Variants in VAV3 observed in about 807,000 individuals in gnomAD.
VAV3 encodes guanine nucleotide exchange factor VAV3.
In VAV3, 94 loss-of-function variants were observed where a neutral mutation model predicts 131.2. The ratio of observed to expected loss-of-function variants is 0.72; its 90% CI spans 0.61 to 0.85. The LOEUF is 0.85. VAV3 is among the 40% of genes least tolerant of loss of function. The pLI, the probability that VAV3 is intolerant of heterozygous loss-of-function variation, is 0.00. For synonymous variants in VAV3, 349 were observed against 342.0 expected, an observed-to-expected ratio of 1.02 and a Z score of -0.22; for missense variants, 939 against 1,002.7, an observed-to-expected ratio of 0.94 and a Z score of 0.86.
At chr1:107,839,675 T>G (rs1668610541) in intron 2 of VAV3, among the ~76,000 whole-genome samples, 1 of 151,926 alleles carries the variant, frequency 6.6e-6, no homozygotes, top group African/African-American at 2.4e-5. Flanking sequence ...TACTAAAAAT[T>G]AGAGCAGGAA....
At chr1:107,911,797 C>T (rs1262154647) in intron 1 of VAV3, among the ~76,000 whole-genome samples, 2 of 152,160 alleles carry the variant, frequency 1.3e-5, no homozygotes, top group Admixed American at 6.5e-5. Flanking sequence ...TTCGTATCAG[C>T]CTGTGTTTAA....
At chr1:107,838,390 G>A (rs1460294759) in intron 2 of VAV3, among the ~76,000 whole-genome samples, 1 of 152,004 alleles carries the variant, frequency 6.6e-6, no homozygotes, top group African/African-American at 2.4e-5. Flanking sequence ...ATCAAAACCA[G>A]AATGAGATAC....
At chr1:107,757,980 G>A (rs149433363) in intron 10 of VAV3, among the ~76,000 whole-genome samples, 5 of 152,092 alleles carry the variant, frequency 3.3e-5, no homozygotes, top group East Asian at 3.9e-4. Context: ...CACGAGTCCC[G>A]GACTCATCCG....
chr1:107,832,968 G>GAT (rs1668317047), intron 2 of VAV3, among the ~76,000 whole-genome samples: 1 of 152,086 alleles, frequency 6.6e-6, no homozygotes. Context: ...TAAAAAGTTT[G>GAT]ATATAACAGT....
chr1:107,675,716 T>G (rs1334760335), intron 19 of VAV3, among the ~76,000 whole-genome samples: 2 of 152,116 alleles, frequency 1.3e-5, no homozygotes, highest in African/African-American at 2.4e-5. Context: ...ACATGCTGTG[T>G]TAGGTTCTGT....
chr1:107,841,720 C>A (rs1668717355), intron 2 of VAV3, among the ~76,000 whole-genome samples: 1 of 152,094 alleles, frequency 6.6e-6, no homozygotes, highest in African/African-American at 2.4e-5. Context: ...CTGTTCCTCT[C>A]TCTAGGTCTG....
At chr1:107,908,346 G>T (rs1220390411) in intron 1 of VAV3, among the ~76,000 whole-genome samples, 7 of 152,284 alleles carry the variant, frequency 4.6e-5, no homozygotes, top group South Asian at 2.1e-4. Flanking sequence ...ATCATAGGTG[G>T]TGGCTTCCTA....
chr1:107,916,289 T>C (rs1256864473), intron 1 of VAV3, among the ~76,000 whole-genome samples: 1 of 152,226 alleles, frequency 6.6e-6, no homozygotes, highest in Non-Finnish European at 1.5e-5. Flanking sequence ...TACTGTTCAC[T>C]CATGGTCAAA....
chr1:107,695,756 T>C (rs1241490273), intron 17 of VAV3, among the ~76,000 whole-genome samples: 3 of 152,096 alleles, frequency 2.0e-5, no homozygotes, highest in Non-Finnish European at 4.4e-5. Context: ...CATGGGCGCA[T>C]GATGGGTTGT....
chr1:107,605,953 T>C (rs539648276), intron 22 of VAV3, among the ~76,000 whole-genome samples: 4 of 152,320 alleles, frequency 2.6e-5, no homozygotes, highest in Admixed American at 2.0e-4. Flanking sequence ...GTTAATTTTC[T>C]CTGGAGCCTT....
intron 2 of VAV3, among the ~76,000 whole-genome samples, chr1:107,814,500 T>TGTTGA (rs10632344): frequency 0.59 from 89,788 of 151,376 alleles, 27,824 homozygotes; most frequent in African/African-American, 0.67. Context: ...GATTACTTAC[T>TGTTGA]GTTGAGTTCC....
chr1:107,699,270 T>C (rs543270626), intron 17 of VAV3, among the ~76,000 whole-genome samples: 3 of 152,270 alleles, frequency 2.0e-5, no homozygotes, highest in Non-Finnish European at 2.9e-5. Context: ...ATGGGAGAAA[T>C]TGATCAAAAC....
chr1:107,661,214 T>C (rs899189463), intron 19 of VAV3, among the ~76,000 whole-genome samples: 5 of 152,192 alleles, frequency 3.3e-5, no homozygotes, highest in African/African-American at 1.2e-4. Flanking sequence ...TGCCAGGATC[T>C]GCTAGCTGGA....
intron 2 of VAV3, 27 bp downstream of exon 2, chr1:107,874,852 TTAAATGCTTTCCAGTTAAAAAG>T (rs777453860): frequency 6.6e-7 from 1 of 1,517,680 alleles, no homozygotes; most frequent in Non-Finnish European, 9.1e-7. Flanking sequence ...AACAATTTGC[TTAAATGCTTTCCAGTTAAAAAG>T]TAGTGTTAAA....
At chr1:107,573,765 GGGTC>G (rs1379122083) in intron 26 of VAV3, among the ~76,000 whole-genome samples, 1 of 152,146 alleles carries the variant, frequency 6.6e-6, no homozygotes, top group African/African-American at 2.4e-5. Flanking sequence ...CTATGGCTCA[GGGTC>G]TAAAAAGAAC....
intron 19 of VAV3, 59 bp downstream of exon 19, chr1:107,683,429 A>G: frequency 1.3e-6 from 2 of 1,589,096 alleles, no homozygotes; most frequent in Non-Finnish European, 1.7e-6. Flanking sequence ...CAATTCCCAT[A>G]TCCTTTCATA....
intron 17 of VAV3, among the ~76,000 whole-genome samples, chr1:107,698,514 C>A: frequency 6.6e-6 from 1 of 152,272 alleles, no homozygotes; most frequent in East Asian, 1.9e-4. Flanking sequence ...TTTTGACTTA[C>A]GATAGTTTCC....
intron 15 of VAV3, among the ~76,000 whole-genome samples, chr1:107,719,109 A>T (rs983286612): frequency 2.0e-5 from 3 of 152,360 alleles, no homozygotes; most frequent in South Asian, 4.1e-4. Context: ...AAACCCTAGA[A>T]GAAAACCTAG....
chr1:107,701,978 C>A (rs1417578825), intron 17 of VAV3, among the ~76,000 whole-genome samples: 4 of 152,208 alleles, frequency 2.6e-5, no homozygotes, highest in Non-Finnish European at 5.9e-5. Flanking sequence ...CTATCCATTA[C>A]CCAGTTCCAA....
Sources: gnomAD v4.1 joint callset for allele counts (sites outside exome capture counted in the v4.1 genomes callset) on GRCh38, gnomAD v4.1.1 for gene constraint, MANE v1.5 for transcripts, NCBI Gene and HGNC (gene_info 2026-07-23, HGNC 2026-07-21) for gene names.